The following PRTN3 variants were observed in gnomAD, a reference collection of about 807,000 sequenced individuals.
The protein encoded by PRTN3 is proteinase 3, also known as myeloblastin.
PRTN3 carries 22 observed loss-of-function variants against 20.7 expected under a neutral mutation model. That is an observed-to-expected ratio of 1.06 (90% CI 0.76 to 1.52). PRTN3 has a LOEUF of 1.52. Ranked by LOEUF, PRTN3 falls within the 40% of genes most tolerant of loss-of-function variation. PRTN3 has a pLI of 0.00. For synonymous variants in PRTN3, 173 were observed against 152.9 expected (o/e 1.13, Z -0.97); for missense variants, 378 against 359.6 (o/e 1.05, Z -0.41).
chr19:843,343 G>C, intron 1 of PRTN3, 118 bp from the exon 2 acceptor site: 1 of 1,123,146 alleles, frequency 8.9e-7, no homozygotes, highest in Non-Finnish European at 1.2e-6. Context: ...CAGCCAGCAG[G>C]CACTGACCGG....
chr19:847,887 C>T lies in PRTN3; in HGVS notation c.689C>T (p.Pro230Leu). ...TGGGGATGTGCCACCCGCCTTTTCC[C>T]TGACTTCTTCACGCGGGTAGCCCTC... ...VIWGCATRLF[P>L]DFFTRVALYV... is the part of the protein sequence containing the mutation. The change falls in exon 5 of 5, where the codon CCT becomes CTT. Residue 230 changes from proline (P) to leucine (L), a missense_variant. By Grantham distance (98) the Pro-to-Leu change is moderately conservative. Transcript: ENST00000234347. The T allele has an allele frequency of 6.2e-7, 1 of 1,608,732 alleles. No individual in the cohort carries two copies. The highest frequency in any genetic ancestry group is 8.5e-7 in the Non-Finnish European group (1 of 1,177,434).
chr19:841,250 G>A (rs1487530474), intron 1 of PRTN3, among the ~76,000 whole-genome samples, 181 bp downstream of exon 1: 1 of 152,376 alleles, frequency 6.6e-6, no homozygotes, highest in Non-Finnish European at 1.5e-5. Context: ...ACAAGGGCAA[G>A]GGGGAGCCCT....
At chr19:845,739 A>G (rs1442492287) in intron 3 of PRTN3, among the ~76,000 whole-genome samples, 1 of 151,116 alleles carries the variant, frequency 6.6e-6, no homozygotes, top group Non-Finnish European at 1.5e-5. Context: ...GAAAAGAAAG[A>G]AAGAAAGAAA....
Position 843,943 on chromosome 19 carries a change from A to T in PRTN3, c.278A>T (p.Gln93Leu). Residue 93 changes from glutamine (Q) to leucine (L), a missense_variant, in exon 3 of 5, where the codon CAG becomes CTG. Transcript: ENST00000234347. Reference sequence around the variant, plus strand: ...CTCGGAGCCCACAACGTGCGGACGCAGGAGCCCACCCAGCAGCACTTCTCG... The same window carrying T: ...CTCGGAGCCCACAACGTGCGGACGCTGGAGCCCACCCAGCAGCACTTCTCG... ...VVLGAHNVRT[Q>L]EPTQQHFSVA... 6.3e-7 allele frequency: 1 copy of T among 1,599,784 alleles called. No homozygotes were observed. Among genetic ancestry groups the T allele is most frequent in the Non-Finnish European group, 8.5e-7 (1 of 1,174,422 alleles).
intron 4 of PRTN3, among the ~76,000 whole-genome samples, chr19:847,163 G>T (rs984785690): frequency 6.6e-6 from 1 of 152,150 alleles, no homozygotes; most frequent in Non-Finnish European, 1.5e-5. Context: ...AATATTAGCT[G>T]GGCATGGTGA....
At chr19:846,448 C>A in intron 4 of PRTN3, 71 bp downstream of exon 4, 1 of 1,414,620 alleles carries the variant, frequency 7.1e-7, no homozygotes, top group East Asian at 2.5e-5. Context: ...CAGGGTTCCA[C>A]GCCACCTCTT....
In PRTN3 at chr19:840,999, GGAC is replaced by G; in HGVS notation, c.-9_-7del. 1 of 1,609,172 alleles carries G rather than the reference GGAC, an allele frequency of 6.2e-7. No homozygotes were observed. The highest frequency in any genetic ancestry group is 1.1e-5 in the South Asian group (1 of 90,558). Reference sequence around the variant, plus strand: ...AGGAGCTTGACCGTGGGTGCACCCTGGACCCCACCATGGCTCACCGGCCCCCCA... The same window carrying G: ...AGGAGCTTGACCGTGGGTGCACCCTGCCCACCATGGCTCACCGGCCCCCCA... On this transcript the variant is annotated 5_prime_UTR_variant, in exon 1 of 5. Transcript: ENST00000234347.
At chr19:841,962 C>T (rs1022420934) in intron 1 of PRTN3, among the ~76,000 whole-genome samples, 3 of 151,698 alleles carry the variant, frequency 2.0e-5, no homozygotes, top group African/African-American at 4.8e-5. Context: ...CTCCTGACTT[C>T]GTGATCCGCC....
chr19:844,064 G>A, intron 3 of PRTN3, 30 bp downstream of exon 3: 8 of 1,583,222 alleles, frequency 5.1e-6, no homozygotes, highest in Middle Eastern at 1.7e-4. Flanking sequence ...AGGGCTCGGA[G>A]GGGCACGGCC....
chr19:843,167 C>T (rs1441153607), intron 1 of PRTN3, among the ~76,000 whole-genome samples: 4 of 152,226 alleles, frequency 2.6e-5, no homozygotes, highest in African/African-American at 4.8e-5. Context: ...CCTCCTGCCT[C>T]GGCCTCCCAA....
intron 1 of PRTN3, among the ~76,000 whole-genome samples, chr19:842,161 G>T (rs144362304): frequency 0.014 from 2,103 of 151,762 alleles, 27 homozygotes; most frequent in South Asian, 0.034. Flanking sequence ...GAGTAGCTGG[G>T]ATTACAAGCA....
chr19:846,308 G>T lies in PRTN3; in HGVS notation c.531G>T (p.Val177=), dbSNP rs762345102. Reference sequence around the variant, plus strand: ...TCCTGCAGGAGCTCAATGTCACCGTGGTCACCTTCTTCTGCCGGCCACATA... The same window carrying T: ...TCCTGCAGGAGCTCAATGTCACCGTTGTCACCTTCTTCTGCCGGCCACATA... The part of the protein sequence containing the change: ...AQVLQELNVT[V]VTFFCRPHNI... The change falls in exon 4 of 5, where the codon GTG becomes GTT. Residue 177 remains valine (V), a synonymous_variant. Coordinates refer to ENST00000234347, the MANE Select transcript of PRTN3 (RefSeq NM_002777.4). The T allele has an allele frequency of 1.9e-6, 3 of 1,593,468 alleles. No homozygotes were observed. Among genetic ancestry groups the T allele is most frequent in the South Asian group, 2.3e-5 (2 of 87,706 alleles).
At chr19:845,477 G>A (rs1018616375) in intron 3 of PRTN3, among the ~76,000 whole-genome samples, 1 of 151,954 alleles carries the variant, frequency 6.6e-6, no homozygotes, top group Admixed American at 6.6e-5. Flanking sequence ...CACTTTGGGA[G>A]GCCGAGGCGG....
intron 1 of PRTN3, among the ~76,000 whole-genome samples, chr19:842,318 ATT>A (rs112350346): frequency 0.058 from 7,035 of 121,370 alleles, 227 homozygotes; most frequent in African/African-American, 0.088. Context: ...TTGTTGGCTG[ATT>A]TTTTTTTTTT....
At chr19:844,143 C>T in intron 3 of PRTN3, 109 bp downstream of exon 3, 2 of 1,392,102 alleles carry the variant, frequency 1.4e-6, no homozygotes, top group East Asian at 2.6e-5. Context: ...CGGGCCACGA[C>T]CGAGGCCGCT....
At position 843,953 on chromosome 19, in the gene PRTN3, C is replaced by A; in HGVS notation, c.288C>A (p.Thr96=). ...GAHNVRTQEP[T]QQHFSVAQVF... is the part of the protein sequence containing the mutation. ...ACAACGTGCGGACGCAGGAGCCCAC[C>A]CAGCAGCACTTCTCGGTGGCTCAGG... is the stretch of plus-strand genomic sequence containing the variant. The change falls in exon 3 of 5, where the codon ACC becomes ACA. Residue 96 remains threonine, a synonymous_variant. Coordinates refer to ENST00000234347, the MANE Select transcript of PRTN3 (RefSeq NM_002777.4). The A allele has an allele frequency of 6.2e-7, 1 of 1,602,492 alleles. No homozygotes were observed. The highest frequency in any genetic ancestry group is 2.3e-5 in the East Asian group (1 of 44,394).
At chr19:842,304 C>G (rs2035454553) in intron 1 of PRTN3, among the ~76,000 whole-genome samples, 1 of 135,410 alleles carries the variant, frequency 7.4e-6, no homozygotes, top group Non-Finnish European at 1.5e-5. Flanking sequence ...CAAAATGGGT[C>G]TCTTTGTTGG....
chr19:846,998 G>C (rs1421166798), intron 4 of PRTN3, among the ~76,000 whole-genome samples: 2 of 152,070 alleles, frequency 1.3e-5, no homozygotes, highest in East Asian at 3.9e-4. Flanking sequence ...CCTGGCTGGT[G>C]CTCACACATT....
At position 843,966 on chromosome 19, in the gene PRTN3, T is replaced by G; in HGVS notation, c.301T>G (p.Ser101Ala). 6.2e-7 allele frequency: 1 copy of G among 1,604,440 alleles called. No homozygotes were observed. Among genetic ancestry groups the G allele is most frequent in the Non-Finnish European group, 8.5e-7 (1 of 1,176,188 alleles). Residue 101 changes from serine (S) to alanine (A), a missense_variant, in exon 3 of 5, where the codon TCG becomes GCG. Transcript: ENST00000234347. ...GCAGGAGCCCACCCAGCAGCACTTC[T>G]CGGTGGCTCAGGTGTTTCTGAACAA... ...RTQEPTQQHFSVAQVFLNNYD... is the reference protein window; with the variant it reads ...RTQEPTQQHFAVAQVFLNNYD...
Sources: gnomAD v4.1 joint callset for allele counts (sites outside exome capture counted in the v4.1 genomes callset) on GRCh38, gnomAD v4.1.1 for gene constraint, MANE v1.5 for transcripts, NCBI Gene and HGNC (gene_info 2026-07-23, HGNC 2026-07-21) for gene names.